The following ADAM8 variants were observed in gnomAD, a reference collection of about 807,000 sequenced individuals.
The protein encoded by ADAM8 is disintegrin and metalloproteinase domain-containing protein 8.
In ADAM8, 104 loss-of-function variants were observed where a neutral mutation model predicts 102.4. The observed-to-expected ratio is 1.02, with a 90% CI of 0.87 to 1.20. ADAM8 has a LOEUF of 1.20. Among genes scored for constraint, ADAM8 ranks in the 50% most tolerant of loss-of-function variants. The pLI is 0.00. For missense variants in ADAM8, 1,132 were observed against 1,159.0 expected (o/e 0.98, Z 0.34); for synonymous variants, 517 against 485.2 (o/e 1.07, Z -0.86).
At position 133,275,511 on chromosome 10, in the gene ADAM8, T is replaced by G. The variant is rs1846719633; in HGVS notation, c.123A>C (p.Arg41=). The change falls in exon 2 of 23, where the codon CGA becomes CGC. Residue 41 remains arginine (R), a synonymous_variant. Transcript: ENST00000445355. The part of the protein sequence containing the change: ...VVLPWRLPGP[R]VRRALPSHLG... The stretch of plus-strand genomic sequence containing the variant: ...AGTGGGAGGGCAGAGCTCGGCGGAC[T>G]CGGGGGCCTGGCAGACGCCACGGCA... The G allele has an allele frequency of 6.5e-7, 1 of 1,529,286 alleles. No individual in the cohort carries two copies. 94.7% of individuals were successfully genotyped at this position (1,529,286 alleles called of 1,614,324 possible).
At position 133,271,934 on chromosome 10, in the gene ADAM8, C is replaced by T; in HGVS notation, c.978G>A (p.Val326=). 2 of 1,611,796 alleles carry T rather than the reference C, an allele frequency of 1.2e-6. No homozygotes were observed. The highest frequency in any genetic ancestry group is 1.7e-6 in the Non-Finnish European group (2 of 1,179,178). ...CATGGGCCATGGTACAGGCCACGCC[C>T]ACGGGGTTCTTGCTGTGGTCCTGCA... The part of the protein sequence containing the change: ...AVNQDHSKNP[V]GVACTMAHEM... Residue 326 remains valine (V), a synonymous_variant, in exon 11 of 23, where the codon GTG becomes GTA. Transcript: ENST00000445355.
chr10:133,272,342 T>G, intron 9 of ADAM8, 68 bp from the exon 10 acceptor site: 1 of 574,592 alleles, frequency 1.7e-6, no homozygotes, highest in Non-Finnish European at 2.6e-6. Flanking sequence ...ACCCCAGCCC[T>G]GCTCTCCCTT....
rs1564917810 is a variant in ADAM8 at position 133,263,197 on chromosome 10, TG to T, written c.2433del (p.Ile812SerfsTer46). 1.2e-6 allele frequency: 2 copies of T among 1,613,292 alleles called. No individual in the cohort carries two copies. The highest frequency in any genetic ancestry group is 1.7e-5 in the Admixed American group (1 of 59,930). ...AVGPKVALKP[P>X]IQRKQGAGAP... is the part of the protein sequence containing the mutation. Reference sequence around the variant, plus strand: ...GCTCCGGCTCCTTGCTTCCTCTGGATGGGGGGCTTCAGGGCAACCTTTGGGC... The same window carrying T: ...GCTCCGGCTCCTTGCTTCCTCTGGATGGGGGCTTCAGGGCAACCTTTGGGC... On this transcript the variant is annotated frameshift_variant, in exon 23 of 23. Coordinates refer to ENST00000445355, the MANE Select transcript of ADAM8 (RefSeq NM_001109.5). LOFTEE classifies it low-confidence loss of function (END_TRUNC).
intron 18 of ADAM8, 133 bp downstream of exon 18, chr10:133,269,312 T>C: frequency 1.6e-6 from 2 of 1,239,476 alleles, no homozygotes; most frequent in Non-Finnish European, 1.1e-6. Context: ...TATACCTGTG[T>C]GTCGATGCCT....
chr10:133,263,824 GAC>G (rs1846239399), intron 21 of ADAM8, 59 bp from the exon 22 acceptor site: 12 of 1,340,638 alleles, frequency 9.0e-6, no homozygotes, highest in Non-Finnish European at 1.2e-5. Flanking sequence ...CTCTAGCCTG[GAC>G]ATCACCTTCT....
rs773829767 is a variant in ADAM8 at position 133,272,960 on chromosome 10, T to C, written c.633A>G (p.Ala211=). 3 of 1,612,674 alleles carry C rather than the reference T, an allele frequency of 1.9e-6. No individual in the cohort carries two copies. The South Asian group carries it at 3.3e-5, about 18-fold the overall frequency. Residue 211 remains alanine, a synonymous_variant, in exon 7 of 23, where the codon GCA becomes GCG. Coordinates refer to ENST00000445355, the MANE Select transcript of ADAM8 (RefSeq NM_001109.5). The stretch of plus-strand genomic sequence containing the variant: ...ACCTTCCCTGCCCCCAACACACCTC[T>C]GCATTGTCCACGACCACATACAGCT... ...YVELYVVVDN[A]EFQMLGSEAA...
At position 133,271,065 on chromosome 10, in the gene ADAM8, C is replaced by T. The variant is rs1846506946; in HGVS notation, c.1380G>A (p.Lys460=). 6.2e-7 allele frequency: 1 copy of T among 1,610,298 alleles called. No homozygotes were observed. Among genetic ancestry groups the T allele is most frequent in the Non-Finnish European group, 8.5e-7 (1 of 1,179,158 alleles). ...HGTCCQECKV[K]PAGELCRPKK... ...TGGGACGGCACAGCTCACCAGCCGG[C>T]TTCACCTGGCCCAGCAGAGAACAGC... Residue 460 remains lysine, a synonymous_variant, in exon 14 of 23, where the codon AAG becomes AAA. Transcript: ENST00000445355.
chr10:133,273,917 AC>A (rs756221468), intron 4 of ADAM8, 33 bp downstream of exon 4: 109 of 1,569,090 alleles, frequency 6.9e-5, no homozygotes, highest in Non-Finnish European at 9.0e-5. Flanking sequence ...CCCAGCCCCT[AC>A]CTGCCCGCCC....
chr10:133,263,625 C>T (rs1016800062), intron 22 of ADAM8, 63 bp downstream of exon 22: 9 of 1,474,734 alleles, frequency 6.1e-6, no homozygotes, highest in Non-Finnish European at 8.2e-6. Context: ...ACCGTCAGCC[C>T]CGTGGGGAGG....
intron 1 of ADAM8, chr10:133,275,892 C>A: frequency 2.8e-6 from 1 of 357,742 alleles, no homozygotes; most frequent in Non-Finnish European, 5.0e-6. Context: ...CTGGAGGGGC[C>A]CGAGGGCAAG....
In ADAM8 at chr10:133,266,768, C is replaced by A. The variant is rs575501923; in HGVS notation, c.2319+584G>T. Among the ~76,000 whole-genome samples, 8 of 152,260 alleles carry A rather than the reference C, an allele frequency of 5.3e-5. No individual in the cohort carries two copies. In the South Asian group the frequency reaches 8.3e-4, roughly 16 times the overall value. On this transcript the variant is annotated intron_variant, in intron 21 of 22. Coordinates refer to ENST00000445355, the MANE Select transcript of ADAM8 (RefSeq NM_001109.5). ...GGTCCTTCTCCACCCACTGCCAGAG[C>A]GGTTTCCCAGGGCTGAGGCCAATGA...
intron 21 of ADAM8, among the ~76,000 whole-genome samples, chr10:133,266,665 C>T (rs897629972): frequency 5.9e-5 from 9 of 152,304 alleles, no homozygotes; most frequent in Admixed American, 2.6e-4. Context: ...ACTGGGGCCC[C>T]GTGCCAGGCC....
At chr10:133,275,641 C>T in intron 1 of ADAM8, 54 bp from the exon 2 acceptor site, 2 of 987,286 alleles carry the variant, frequency 2.0e-6, no homozygotes, top group Non-Finnish European at 2.9e-6. Context: ...GTTTCCTTCC[C>T]AGAGGCCTCC....
chr10:133,268,235 T>G, intron 19 of ADAM8, 117 bp from the exon 20 acceptor site: 15 of 979,018 alleles, frequency 1.5e-5, no homozygotes, highest in Non-Finnish European at 2.0e-5. Context: ...CGAGAGGTTG[T>G]GGCCATGAGA....
rs758094306 is a variant in ADAM8, at chr10:133,272,122, T to C, written c.957+71A>G. ...GGGGAGGTGGCCTGCTCCAGAGACC[T>C]GGACCGAGGCGTCCCCTCCCCTATC... On this transcript the variant is annotated intron_variant, in intron 10 of 22. Transcript: ENST00000445355. 14 of 1,515,898 alleles carry C rather than the reference T, an allele frequency of 9.2e-6. No homozygotes were observed. The Middle Eastern group carries it at 6.8e-4, about 74-fold the overall frequency. 93.9% of individuals were successfully genotyped at this position (1,515,898 alleles called of 1,614,324 possible).
Position 133,269,928 on chromosome 10 carries a change from C to T in ADAM8, c.1832G>A (p.Ser611Asn). 6.2e-7 allele frequency: 1 copy of T among 1,612,786 alleles called. No homozygotes were observed. The highest frequency in any genetic ancestry group is 2.2e-5 in the East Asian group (1 of 44,882). Residue 611 changes from serine (S) to asparagine (N), a missense_variant, in exon 17 of 23, where the codon AGC becomes AAC. Transcript: ENST00000445355. ...GTTGTGGCACTGGGCAGAGCAGTTG[C>T]TGGATCTGTAAACGTGTAAGTCCTG... ...RCQDLHVYRS[S>N]NCSAQCHNHG...
intron 18 of ADAM8, 177 bp downstream of exon 18, chr10:133,269,268 C>T (rs1344687868): frequency 1.1e-6 from 1 of 891,338 alleles, no homozygotes; most frequent in African/African-American, 1.8e-5. Flanking sequence ...GCTCTCCCCT[C>T]CTCACATCAG....
intron 5 of ADAM8, 155 bp from the exon 6 acceptor site, chr10:133,273,598 G>T: frequency 8.0e-7 from 1 of 1,257,330 alleles, no homozygotes; most frequent in South Asian, 1.5e-5. Context: ...ACAGGAGGGT[G>T]AGCCTCTTGG....
chr10:133,268,975 C>A, intron 18 of ADAM8, 113 bp from the exon 19 acceptor site: 2 of 1,499,208 alleles, frequency 1.3e-6, no homozygotes. Flanking sequence ...GCCCTGTGGA[C>A]CCCTCAGGGA....
Sources: gnomAD v4.1 joint callset for allele counts (sites outside exome capture counted in the v4.1 genomes callset) on GRCh38, gnomAD v4.1.1 for gene constraint, MANE v1.5 for transcripts, NCBI Gene and HGNC (gene_info 2026-07-23, HGNC 2026-07-21) for gene names.